Variants in EEFSEC observed in about 807,000 individuals in gnomAD.
EEFSEC encodes eukaryotic elongation factor, selenocysteine-tRNA specific.
A neutral mutation model predicts 42.1 loss-of-function variants in EEFSEC; 43 were observed. The ratio of observed to expected loss-of-function variants is 1.02; its 90% CI spans 0.80 to 1.32. EEFSEC has a LOEUF of 1.32. Ranked by LOEUF, EEFSEC falls within the 40% of genes most tolerant of loss-of-function variation. EEFSEC has a pLI of 0.00. For missense variants in EEFSEC, 745 were observed against 803.6 expected (o/e 0.93, Z 0.88); for synonymous variants, 354 against 339.1 (o/e 1.04, Z -0.48).
chr3:128,211,180 TG>T (rs2065752340), intron 1 of EEFSEC, among the ~76,000 whole-genome samples: 1 of 152,248 alleles, frequency 6.6e-6, no homozygotes, highest in South Asian at 2.1e-4. Context: ...GCTTAAAATA[TG>T]GGTGCTATTG....
chr3:128,379,785 G>C (rs2067752345), intron 6 of EEFSEC, among the ~76,000 whole-genome samples: 1 of 152,242 alleles, frequency 6.6e-6, no homozygotes, highest in Admixed American at 6.5e-5. Context: ...TGGGGTCACA[G>C]AGCTTTCTCC....
intron 4 of EEFSEC, among the ~76,000 whole-genome samples, chr3:128,339,575 G>T (rs901899422): frequency 2.0e-5 from 3 of 152,186 alleles, no homozygotes; most frequent in African/African-American, 7.2e-5. Flanking sequence ...TTTACAAACT[G>T]TGAATGCAGA....
At chr3:128,266,154 C>T (rs2066351819) in intron 4 of EEFSEC, among the ~76,000 whole-genome samples, 2 of 152,164 alleles carry the variant, frequency 1.3e-5, no homozygotes, top group Non-Finnish European at 2.9e-5. Flanking sequence ...TTATAGGGGT[C>T]ATCTGCTTTA....
chr3:128,402,917 C>T (rs1236799129), intron 6 of EEFSEC, among the ~76,000 whole-genome samples: 1 of 152,174 alleles, frequency 6.6e-6, no homozygotes, highest in Non-Finnish European at 1.5e-5. Flanking sequence ...AGTGAATAGA[C>T]AAAACTCCCT....
chr3:128,198,409 C>G (rs139646129), intron 1 of EEFSEC, among the ~76,000 whole-genome samples: 1 of 152,104 alleles, frequency 6.6e-6, no homozygotes, highest in Non-Finnish European at 1.5e-5. Context: ...AAGCAAAAGT[C>G]CCAAGAAAGG....
intron 4 of EEFSEC, among the ~76,000 whole-genome samples, chr3:128,272,980 C>T (rs1002363414): frequency 4.6e-5 from 7 of 152,284 alleles, no homozygotes; most frequent in African/African-American, 1.4e-4. Flanking sequence ...CCATCACTCA[C>T]GGGGCAGTTA....
chr3:128,379,033 A>G (rs1048434239), intron 6 of EEFSEC, among the ~76,000 whole-genome samples: 4 of 152,208 alleles, frequency 2.6e-5, no homozygotes, highest in African/African-American at 9.7e-5. Flanking sequence ...CCCTGTAAAA[A>G]TGAAAACAAA....
At chr3:128,213,884 G>A (rs532491643) in intron 1 of EEFSEC, among the ~76,000 whole-genome samples, 7 of 152,114 alleles carry the variant, frequency 4.6e-5, no homozygotes, top group Non-Finnish European at 1.0e-4. Flanking sequence ...CTCCAAGAAT[G>A]TCAAAGTCAC....
At chr3:128,255,277 T>C (rs1244438285) in intron 2 of EEFSEC, among the ~76,000 whole-genome samples, 2 of 151,856 alleles carry the variant, frequency 1.3e-5, no homozygotes, top group African/African-American at 4.8e-5. Context: ...ACGTGAAGGA[T>C]AGTCAAGGGC....
chr3:128,312,506 C>T (rs184328793), intron 4 of EEFSEC, among the ~76,000 whole-genome samples: 7 of 152,392 alleles, frequency 4.6e-5, no homozygotes, highest in Admixed American at 2.0e-4. Context: ...GGGCACCCAC[C>T]GGGGTTCAGA....
At position 128,371,825 on chromosome 3, in the gene EEFSEC, G is replaced by A. The variant is rs577161560; in HGVS notation, c.1600+13452G>A. ...CCCTACAGGGCCATGGGGAAAGAGA[G>A]GACAGAGTGGTCCTGCAGGGGCCGG... On this transcript the variant is annotated intron_variant, in intron 6 of 6. Coordinates refer to ENST00000254730, the MANE Select transcript of EEFSEC (RefSeq NM_021937.5). Among the ~76,000 whole-genome samples, 66 of 152,340 alleles carry A rather than the reference G, an allele frequency of 4.3e-4. No homozygotes were observed. In the Middle Eastern group the frequency reaches 0.01, roughly 24 times the overall value.
chr3:128,401,216 C>T (rs1165248127), intron 6 of EEFSEC, among the ~76,000 whole-genome samples: 1 of 152,200 alleles, frequency 6.6e-6, no homozygotes, highest in African/African-American at 2.4e-5. Flanking sequence ...TTGGGTCACT[C>T]AAGGGCAGAC....
intron 1 of EEFSEC, among the ~76,000 whole-genome samples, chr3:128,225,919 C>T (rs1401935354): frequency 1.3e-5 from 2 of 152,222 alleles, no homozygotes; most frequent in Non-Finnish European, 2.9e-5. Context: ...GTGCTGGGCA[C>T]AGAGGCAGAT....
At chr3:128,334,491 C>A (rs575903352) in intron 4 of EEFSEC, among the ~76,000 whole-genome samples, 1 of 152,346 alleles carries the variant, frequency 6.6e-6, no homozygotes, top group East Asian at 1.9e-4. Context: ...GCCTTGCAGT[C>A]CCAGCGTTTA....
At chr3:128,345,214 G>T (rs140310463) in intron 5 of EEFSEC, among the ~76,000 whole-genome samples, 33 of 152,318 alleles carry the variant, frequency 2.2e-4, no homozygotes, top group Non-Finnish European at 2.4e-4. Context: ...ATCAGTGCTT[G>T]TCTCCTACTG....
intron 1 of EEFSEC, among the ~76,000 whole-genome samples, chr3:128,170,152 G>A (rs2065280577): frequency 6.6e-6 from 1 of 151,546 alleles, no homozygotes; most frequent in African/African-American, 2.4e-5. Context: ...CGCCTCCCCC[G>A]CCTGGCCCGA....
At chr3:128,398,676 C>T (rs1345329725) in intron 6 of EEFSEC, among the ~76,000 whole-genome samples, 4 of 151,906 alleles carry the variant, frequency 2.6e-5, no homozygotes, top group Admixed American at 1.3e-4. Context: ...TCCAAGGAGC[C>T]TGTGGCAAAC....
downstream of EEFSEC, among the ~76,000 whole-genome samples, chr3:128,412,912 G>A (rs897074148): frequency 4.6e-5 from 7 of 152,120 alleles, no homozygotes; most frequent in Non-Finnish European, 8.8e-5. Flanking sequence ...GCCGGACCTC[G>A]GGCAGCCAGG....
rs2737780 is a variant in EEFSEC at position 128,307,372 on chromosome 3, G to A, written c.787-33861G>A. Among the ~76,000 whole-genome samples the A allele has an allele frequency of 1.1e-3, 172 of 152,348 alleles. 1 individual carries two copies. Among genetic ancestry groups the A allele is most frequent in the Non-Finnish European group, 1.8e-3 (122 of 68,028 alleles). ...GGTTTATTGTTGGGGGTGGAGATTA[G>A]CAGGGGCTTTTCTTGTACCCTCTCC... is the stretch of plus-strand genomic sequence containing the variant. On this transcript the variant is annotated intron_variant, in intron 4 of 6. Transcript: ENST00000254730.
Sources: gnomAD v4.1 joint callset for allele counts (sites outside exome capture counted in the v4.1 genomes callset) on GRCh38, gnomAD v4.1.1 for gene constraint, MANE v1.5 for transcripts, NCBI Gene and HGNC (gene_info 2026-07-23, HGNC 2026-07-21) for gene names.